Variants in SGF29 observed in about 807,000 individuals in gnomAD.
The protein encoded by SGF29 is SAGA complex associated factor 29.
A neutral mutation model predicts 38.1 loss-of-function variants in SGF29; 15 were observed. The ratio of observed to expected loss-of-function variants is 0.39; its 90% confidence interval spans 0.26 to 0.61. SGF29 has a LOEUF of 0.61. SGF29 is among the 20% of genes least tolerant of loss of function. The pLI is 0.49. For missense variants in SGF29, 184 were observed against 394.6 expected (o/e 0.47, Z 4.52); for synonymous variants, 151 against 160.8 (o/e 0.94, Z 0.46).
At chr16:28,564,651 A>G (rs2046817432) in intron 1 of SGF29, among the ~76,000 whole-genome samples, 2 of 102,150 alleles carry the variant, frequency 2.0e-5, no homozygotes, top group African/African-American at 3.5e-5. Flanking sequence ...ATGTGTATAT[A>G]TACGTATATA....
intron 1 of SGF29, among the ~76,000 whole-genome samples, chr16:28,556,380 C>G (rs894186233): frequency 1.3e-5 from 2 of 152,028 alleles, no homozygotes; most frequent in Non-Finnish European, 2.9e-5. Context: ...GAGTTTCACT[C>G]TTTGTTGCCC....
chr16:28,569,196 AT>A (rs980752105), intron 1 of SGF29, among the ~76,000 whole-genome samples: 1 of 152,216 alleles, frequency 6.6e-6, no homozygotes, highest in Non-Finnish European at 1.5e-5. Context: ...GAAATAGAAT[AT>A]TTGGTGGATG....
chr16:28,591,002 G>A (rs1441897908), intron 9 of SGF29, 67 bp downstream of exon 9: 3 of 1,494,520 alleles, frequency 2.0e-6, no homozygotes, highest in Non-Finnish European at 2.7e-6. Context: ...CAGACGAGGG[G>A]TCCTCTCCCC....
intron 1 of SGF29, among the ~76,000 whole-genome samples, chr16:28,575,554 C>T (rs968551752): frequency 6.6e-6 from 1 of 152,076 alleles, no homozygotes; most frequent in African/African-American, 2.4e-5. Flanking sequence ...CTTTGTGGTG[C>T]GTGCCTTGTA....
intron 1 of SGF29, among the ~76,000 whole-genome samples, chr16:28,557,020 C>G (rs948908707): frequency 5.9e-5 from 9 of 152,276 alleles, no homozygotes; most frequent in African/African-American, 1.9e-4. Flanking sequence ...TCCTCTTTCC[C>G]TTTGACCCAG....
At chr16:28,581,934 C>A (rs1171534543) in intron 2 of SGF29, among the ~76,000 whole-genome samples, 1 of 151,548 alleles carries the variant, frequency 6.6e-6, no homozygotes, top group African/African-American at 2.4e-5. Context: ...AAAAAAAAGC[C>A]ATTTTTCCCC....
At chr16:28,583,317 G>A (rs959377393) in intron 2 of SGF29, among the ~76,000 whole-genome samples, 8 of 152,190 alleles carry the variant, frequency 5.3e-5, no homozygotes, top group South Asian at 2.1e-4. Flanking sequence ...CCTTTGTAAG[G>A]GATGTTAGCT....
chr16:28,561,395 C>T (rs760994218), intron 1 of SGF29, among the ~76,000 whole-genome samples: 5 of 151,828 alleles, frequency 3.3e-5, no homozygotes, highest in Non-Finnish European at 7.4e-5. Context: ...TAGCTGGGTG[C>T]GGTAGCTGGC....
At chr16:28,585,018 G>T in intron 3 of SGF29, 30 bp downstream of exon 3, 1 of 1,567,080 alleles carries the variant, frequency 6.4e-7, no homozygotes. Flanking sequence ...AGAGAAAGGG[G>T]ATGAGATGGG....
chr16:28,589,242 G>C, intron 5 of SGF29, 78 bp downstream of exon 5: 1 of 1,459,492 alleles, frequency 6.9e-7, no homozygotes, highest in Non-Finnish European at 9.6e-7. Flanking sequence ...TCACCCTCCT[G>C]TGGGGGCCTG....
chr16:28,564,538 T>TGTATATATATACGTATATATATATATAC (rs1480150511), intron 1 of SGF29, among the ~76,000 whole-genome samples: 1 of 104,622 alleles, frequency 9.6e-6, no homozygotes, highest in Non-Finnish European at 1.9e-5. Context: ...TATATATATA[T>TGTATATATATACGTATATATATATATAC]GTATATATAT....
At chr16:28,585,543 C>T (rs1371708978) in intron 3 of SGF29, 105 bp from the exon 4 acceptor site, 17 of 1,028,610 alleles carry the variant, frequency 1.7e-5, no homozygotes, top group South Asian at 5.2e-5. Flanking sequence ...ACTGCAGCTA[C>T]GGCCTCTCTG....
chr16:28,569,158 G>A (rs953666443), intron 1 of SGF29, among the ~76,000 whole-genome samples: 1 of 152,146 alleles, frequency 6.6e-6, no homozygotes, highest in East Asian at 1.9e-4. Flanking sequence ...TTATGTCCTA[G>A]TGTTTTGTGG....
intron 1 of SGF29, among the ~76,000 whole-genome samples, chr16:28,571,747 A>G (rs1010215284): frequency 3.9e-5 from 6 of 152,156 alleles, no homozygotes; most frequent in African/African-American, 1.4e-4. Context: ...GAGTCAATGT[A>G]AGGAAATCCA....
At chr16:28,580,434 G>A (rs72622207) in intron 1 of SGF29, among the ~76,000 whole-genome samples, 5,699 of 152,192 alleles carry the variant, frequency 0.037, 226 homozygotes, top group East Asian at 0.21. Flanking sequence ...GCTTAGACGG[G>A]GCCGTTACTC....
At chr16:28,564,634 CGT>C (rs1491402786) in intron 1 of SGF29, among the ~76,000 whole-genome samples, 2,484 of 86,386 alleles carry the variant, frequency 0.029, 106 homozygotes, top group Non-Finnish European at 0.044. Context: ...CATATATATA[CGT>C]ATATATGTGT....
chr16:28,572,828 C>T (rs1207351366), intron 1 of SGF29, among the ~76,000 whole-genome samples: 4 of 152,100 alleles, frequency 2.6e-5, no homozygotes, highest in Admixed American at 6.6e-5. Flanking sequence ...TCTCTCGCTG[C>T]GCCTGCCTCC....
At chr16:28,584,385 G>A (rs1213947352) in intron 2 of SGF29, among the ~76,000 whole-genome samples, 1 of 151,976 alleles carries the variant, frequency 6.6e-6, no homozygotes, top group Non-Finnish European at 1.5e-5. Context: ...CCATAGCCGG[G>A]CGCCCTTGCC....
In SGF29 at chr16:28,557,413, G is replaced by A. The variant is rs545666530; in HGVS notation, c.-16+3316G>A. Among the ~76,000 whole-genome samples, 56 of 152,278 alleles carry A rather than the reference G, an allele frequency of 3.7e-4. 1 individual carries two copies. In the East Asian group the frequency reaches 0.01, roughly 27 times the overall value. On this transcript the variant is annotated intron_variant, in intron 1 of 9. Coordinates refer to ENST00000317058, the MANE Select transcript of SGF29 (RefSeq NM_138414.3). ...CCCAGGGTGGGTATGGAAGCTCTTC[G>A]CTCCTTCCCACATGCTTTGCCCTGT...
Sources: allele counts gnomAD v4.1 joint callset (sites outside exome capture counted in the v4.1 genomes callset), GRCh38; gene constraint gnomAD v4.1.1; transcripts MANE v1.5; gene names NCBI Gene and HGNC (gene_info 2026-07-23, HGNC 2026-07-21).